The following GRIK3 variants were observed in gnomAD, a reference collection of about 807,000 sequenced individuals.
The protein encoded by GRIK3 is glutamate receptor ionotropic, kainate 3.
GRIK3 carries 29 observed loss-of-function variants against 102.5 expected under a neutral mutation model. That is an observed-to-expected ratio of 0.28 (90% CI 0.21 to 0.39). The LOEUF (loss-of-function observed/expected upper bound fraction) is 0.39, where lower values mean the gene tolerates loss of function less well. GRIK3 is among the 10% of genes least tolerant of loss of function. The pLI is 1.00. For missense variants in GRIK3, 908 were observed against 1,252.4 expected, an observed-to-expected ratio of 0.73 and a Z score of 4.15; for synonymous variants, 511 against 504.9, an observed-to-expected ratio of 1.01 and a Z score of -0.16.
At chr1:37,016,860 T>G (rs1025656248) in intron 1 of GRIK3, among the ~76,000 whole-genome samples, 1 of 152,156 alleles carries the variant, frequency 6.6e-6, no homozygotes, top group Non-Finnish European at 1.5e-5. Flanking sequence ...AAATAGAGTT[T>G]AGAAAGAGAA....
intron 1 of GRIK3, among the ~76,000 whole-genome samples, chr1:37,029,077 G>A (rs1185276322): frequency 1.3e-5 from 2 of 152,238 alleles, no homozygotes; most frequent in African/African-American, 4.8e-5. Context: ...CACTGCGGTG[G>A]CCGTCTCAGC....
chr1:36,938,733 G>A (rs1641687087), intron 1 of GRIK3, among the ~76,000 whole-genome samples: 1 of 152,086 alleles, frequency 6.6e-6, no homozygotes, highest in African/African-American at 2.4e-5. Context: ...TGCTCTTCTT[G>A]TACCTGAGCC....
intron 1 of GRIK3, among the ~76,000 whole-genome samples, chr1:37,032,569 T>A (rs983766077): frequency 7.9e-5 from 12 of 151,992 alleles, no homozygotes; most frequent in African/African-American, 2.7e-4. Flanking sequence ...ATAGAAGACA[T>A]TTCGGTTGTC....
At chr1:36,958,235 GTGAGCCTGTGTGTCCCA>G (rs1641949326) in intron 1 of GRIK3, among the ~76,000 whole-genome samples, 4 of 96,964 alleles carry the variant, frequency 4.1e-5, no homozygotes, top group South Asian at 4.3e-4. Context: ...TGTGTGCCCC[GTGAGCCTGTGTGTCCCA>G]TGACTCTGTG....
intron 1 of GRIK3, among the ~76,000 whole-genome samples, chr1:36,909,487 G>T (rs1416285799): frequency 6.6e-6 from 1 of 152,166 alleles, no homozygotes; most frequent in Admixed American, 6.5e-5. Flanking sequence ...TTTTGGTAGA[G>T]ACGGGGTTTC....
chr1:36,875,486 G>T (rs554112942), intron 3 of GRIK3, among the ~76,000 whole-genome samples: 1 of 152,376 alleles, frequency 6.6e-6, no homozygotes, highest in East Asian at 1.9e-4. Context: ...CATGTGAATT[G>T]TTTTGGCCAG....
chr1:36,901,961 GA>G (rs1557719150), intron 1 of GRIK3, among the ~76,000 whole-genome samples: 1 of 152,194 alleles, frequency 6.6e-6, no homozygotes, highest in Non-Finnish European at 1.5e-5. Context: ...ATTTGAAATA[GA>G]AACAAGATCA....
In GRIK3 at chr1:36,806,266, G is replaced by A; in HGVS notation, c.2152C>T (p.Leu718=). 3 of 1,614,188 alleles carry A rather than the reference G, an allele frequency of 1.9e-6. No individual in the cohort carries two copies. Among genetic ancestry groups the A allele is most frequent in the Non-Finnish European group, 1.7e-6 (2 of 1,180,002 alleles). ...ATGCCCTCCTCGTTGTTCTTCACCA[G>A]CGCCGATGGCTTGCTGCTCATGAAG... ...WAFMSSKPSA[L]VKNNEEGIQR... The change falls in exon 14 of 16, where the codon CTG becomes TTG. Residue 718 remains leucine, a synonymous_variant. Transcript: ENST00000373091. This position sits in a 1 kb window ranked among gnomAD's most constrained non-coding sequence, Gnocchi z 4.0.
intron 1 of GRIK3, among the ~76,000 whole-genome samples, chr1:36,898,496 A>G (rs1484684483): frequency 1.3e-5 from 2 of 152,192 alleles, no homozygotes; most frequent in Admixed American, 6.5e-5. Flanking sequence ...TTTAAAATGT[A>G]AAAAGCTCTT....
At chr1:36,946,986 G>A (rs35418652) in intron 1 of GRIK3, among the ~76,000 whole-genome samples, 2,800 of 152,238 alleles carry the variant, frequency 0.018, 42 homozygotes, top group Non-Finnish European at 0.028. Context: ...TGAAAGCAGA[G>A]GAGAAGCCCA....
intron 1 of GRIK3, among the ~76,000 whole-genome samples, chr1:36,917,880 G>T (rs1262820589): frequency 6.6e-6 from 1 of 152,184 alleles, no homozygotes; most frequent in Non-Finnish European, 1.5e-5. Flanking sequence ...AAGCTAAGCT[G>T]CTCTTGTCAA....
chr1:36,821,635 T>A (rs1027863410), intron 11 of GRIK3, among the ~76,000 whole-genome samples: 1 of 152,148 alleles, frequency 6.6e-6, no homozygotes, highest in Admixed American at 6.5e-5. Context: ...GATGGACCCA[T>A]GCAGAAGACA....
At chr1:37,019,804 G>A (rs953554113) in intron 1 of GRIK3, among the ~76,000 whole-genome samples, 1 of 152,158 alleles carries the variant, frequency 6.6e-6, no homozygotes, top group Non-Finnish European at 1.5e-5. Flanking sequence ...GCGAATCCCA[G>A]CAGGAGCATC....
chr1:36,874,472 C>T (rs1640889982), intron 3 of GRIK3, among the ~76,000 whole-genome samples: 1 of 152,114 alleles, frequency 6.6e-6, no homozygotes, highest in Non-Finnish European at 1.5e-5. Context: ...CAAACAGGTG[C>T]CCTGTGCTTC....
At chr1:36,889,544 C>T (rs1203761614) in intron 2 of GRIK3, among the ~76,000 whole-genome samples, 6 of 151,786 alleles carry the variant, frequency 4.0e-5, no homozygotes, top group African/African-American at 9.7e-5. Context: ...TGGGGGGAGG[C>T]GGGGAGTGGA....
intron 3 of GRIK3, among the ~76,000 whole-genome samples, chr1:36,873,370 G>C (rs1640863660): frequency 6.6e-6 from 1 of 152,204 alleles, no homozygotes; most frequent in African/African-American, 2.4e-5. Flanking sequence ...ACTTTCTGGA[G>C]ACAAATGGCT....
chr1:37,008,443 G>A (rs1418144760), intron 1 of GRIK3, among the ~76,000 whole-genome samples: 4 of 152,214 alleles, frequency 2.6e-5, no homozygotes, highest in Admixed American at 6.5e-5. Flanking sequence ...TGGGCACAGG[G>A]GCATTCACTG....
Position 36,841,745 on chromosome 1 carries a change from G to A in GRIK3, c.1521C>T (p.Leu507=). 1.2e-6 allele frequency: 2 copies of A among 1,613,776 alleles called. No individual in the cohort carries two copies. The highest frequency in any genetic ancestry group is 2.7e-5 in the African/African-American group (2 of 75,026). Residue 507 remains leucine (L), a synonymous_variant, in exon 10 of 16, where the codon CTC becomes CTT. Coordinates refer to ENST00000373091, the MANE Select transcript of GRIK3 (RefSeq NM_000831.4). ...TCCCATCCATGCTTACGTGGTCGAT[G>A]AGCTCCTTGACCATGCCGTTCCACT... ...KGQWNGMVKE[L]IDHKADLAVA...
At chr1:37,018,723 G>T (rs1642678808) in intron 1 of GRIK3, among the ~76,000 whole-genome samples, 2 of 152,116 alleles carry the variant, frequency 1.3e-5, no homozygotes, top group African/African-American at 4.8e-5. Context: ...AAGGCTGTCT[G>T]CCCTCACACA....
Sources: allele counts gnomAD v4.1 joint callset (sites outside exome capture counted in the v4.1 genomes callset), GRCh38; gene constraint gnomAD v4.1.1; non-coding constraint Gnocchi (gnomAD v3.1); transcripts MANE v1.5; gene names NCBI Gene and HGNC (gene_info 2026-07-23, HGNC 2026-07-21).